Variants in HMCN1 observed in about 807,000 individuals in gnomAD.
The protein encoded by HMCN1 is hemicentin-1.
A neutral mutation model predicts 625.9 loss-of-function variants in HMCN1; 321 were observed. The ratio of observed to expected loss-of-function variants is 0.51; its 90% CI spans 0.47 to 0.56. The LOEUF is 0.56. HMCN1 is among the 20% of genes least tolerant of loss of function. The pLI is 0.00. For missense variants in HMCN1, 6,588 were observed against 6,887.3 expected (o/e 0.96, Z 1.54); for synonymous variants, 2,425 against 2,417.6 (o/e 1.00, Z -0.09).
chr1:186,147,061 G>C (rs558005228), intron 93 of HMCN1, among the ~76,000 whole-genome samples: 1 of 152,056 alleles, frequency 6.6e-6, no homozygotes, highest in Admixed American at 6.6e-5. Context: ...ATGGCCTACC[G>C]GGCCTTGACT....
intron 35 of HMCN1, 35 bp from the exon 36 acceptor site, chr1:186,022,995 T>G (rs777389521): frequency 1.2e-6 from 2 of 1,607,330 alleles, no homozygotes; most frequent in Non-Finnish European, 1.7e-6. Flanking sequence ...AAGTATAAGA[T>G]ACAAAAATCC....
Position 186,187,883 on chromosome 1 carries a change from A to T in HMCN1, c.16415A>T (p.Asp5472Val), listed in dbSNP as rs774106140. The T allele has an allele frequency of 9.9e-6, 16 of 1,613,534 alleles. No individual in the cohort carries two copies. Among genetic ancestry groups the T allele is most frequent in the Non-Finnish European group, 1.4e-5 (16 of 1,179,710 alleles). The part of the protein sequence containing the change: ...QLTHNGKTCQ[D>V]IDECLEQNVH... ...TGCATGTTCCCTGTGCTGTCCCTAG[A>T]TATCGATGAATGTCTGGAGCAGAAT... The change falls in exon 106 of 107, where the codon GAT (aspartate) becomes GTT (valine). Residue 5472 changes from aspartate to valine, a missense_variant and splice_region_variant. Coordinates refer to ENST00000271588, the MANE Select transcript of HMCN1 (RefSeq NM_031935.3).
Position 186,090,746 on chromosome 1 carries a change from A to AT in HMCN1, c.9728-9dup, listed in dbSNP as rs1400999981. The AT allele has an allele frequency of 8.1e-6, 13 of 1,611,902 alleles. No homozygotes were observed. Among genetic ancestry groups the AT allele is most frequent in the Non-Finnish European group, 1.1e-5 (13 of 1,178,576 alleles). On this transcript the variant is annotated splice_polypyrimidine_tract_variant and intron_variant, in intron 63 of 106. Coordinates refer to ENST00000271588, the MANE Select transcript of HMCN1 (RefSeq NM_031935.3). The stretch of plus-strand genomic sequence containing the variant: ...TGTCTTGTTAATGAAATTCCTAATT[A>AT]TTTCTCCAAAGTTCCTCCAAGTGTT...
rs375877012 is a variant in HMCN1, at chr1:185,993,193, T to A, written c.3389T>A (p.Leu1130His). 3.0e-5 allele frequency: 49 copies of A among 1,612,350 alleles called. No individual in the cohort carries two copies. Among genetic ancestry groups the A allele is most frequent in the Non-Finnish European group, 5.9e-6 (7 of 1,178,662 alleles). Residue 1130 changes from leucine (L) to histidine (H), a missense_variant, in exon 23 of 107, where the codon CTC becomes CAC. Physicochemically the swap from Leu to His is moderately conservative, Grantham distance 99 (BLOSUM62 -3). Coordinates refer to ENST00000271588, the MANE Select transcript of HMCN1 (RefSeq NM_031935.3). ...ISPFSPRHTFLPSGSMKITET... is the reference protein window; with the variant it reads ...ISPFSPRHTFHPSGSMKITET... ...TTTCTTTCTTTTAGACACACATTCC[T>A]CCCTTCTGGTTCAATGAAGATCACT... is the stretch of plus-strand genomic sequence containing the variant.
At chr1:185,762,092 G>A (rs1231109540) in intron 1 of HMCN1, among the ~76,000 whole-genome samples, 1 of 151,872 alleles carries the variant, frequency 6.6e-6, no homozygotes, top group Non-Finnish European at 1.5e-5. Context: ...TGCACTCGAG[G>A]AAAAAAAGAG....
chr1:185,783,787 G>C (rs1032836600), intron 1 of HMCN1, among the ~76,000 whole-genome samples: 10 of 152,200 alleles, frequency 6.6e-5, no homozygotes, highest in Admixed American at 6.5e-4. Context: ...GGCTACTCGG[G>C]GGTCAGGGAC....
At chr1:185,992,449 A>C (rs1451725040) in intron 22 of HMCN1, among the ~76,000 whole-genome samples, 1 of 152,106 alleles carries the variant, frequency 6.6e-6, no homozygotes, top group Non-Finnish European at 1.5e-5. Flanking sequence ...GTAGTGCTCT[A>C]ATTTTATATC....
chr1:185,933,275 C>T (rs921195350), intron 10 of HMCN1, among the ~76,000 whole-genome samples: 1 of 152,116 alleles, frequency 6.6e-6, no homozygotes, highest in Non-Finnish European at 1.5e-5. Context: ...TCAAGTTATA[C>T]TCTTTTGCCA....
intron 36 of HMCN1, among the ~76,000 whole-genome samples, chr1:186,031,718 G>T (rs931325339): frequency 2.0e-5 from 3 of 151,652 alleles, no homozygotes; most frequent in Non-Finnish European, 2.9e-5. Flanking sequence ...TCTAAAATTG[G>T]ATTATCAATT....
intron 102 of HMCN1, 74 bp downstream of exon 102, chr1:186,172,205 G>A: frequency 1.3e-6 from 2 of 1,568,702 alleles, no homozygotes; most frequent in South Asian, 1.1e-5. Flanking sequence ...CATTTTAAAA[G>A]AAGTGATTAG....
intron 1 of HMCN1, among the ~76,000 whole-genome samples, chr1:185,790,881 A>G (rs11803386): frequency 0.036 from 5,440 of 152,110 alleles, 343 homozygotes; most frequent in African/African-American, 0.12. Context: ...TTATTTATTT[A>G]TTTGTTTATT....
At chr1:186,115,583 T>TAGG (rs1661097237) in intron 75 of HMCN1, among the ~76,000 whole-genome samples, 169 bp downstream of exon 75, 1 of 152,206 alleles carries the variant, frequency 6.6e-6, no homozygotes, top group Non-Finnish European at 1.5e-5. Flanking sequence ...AAAATATTTT[T>TAGG]CTGAATTATA....
chr1:185,962,580 A>G lies in HMCN1; in HGVS notation c.1891A>G (p.Ile631Val), dbSNP rs1266843721. 3.7e-6 allele frequency: 6 copies of G among 1,606,606 alleles called. No homozygotes were observed. Among genetic ancestry groups the G allele is most frequent in the Non-Finnish European group, 5.1e-6 (6 of 1,173,262 alleles). The change falls in exon 12 of 107, where the codon ATC becomes GTC. Residue 631 changes from isoleucine (I) to valine (V), a missense_variant. Ile to Val is a conservative substitution (Grantham distance 29). This residue lies in a region of HMCN1 where 4,628 missense variants were observed against 4,853.1 expected (regional missense o/e 0.95). Coordinates refer to ENST00000271588, the MANE Select transcript of HMCN1 (RefSeq NM_031935.3). ...TTTCACAGGAGGGTCTGAGGTCTCC[A>G]TCATGTGTTCTGCAACAGGTTATCC... Reference protein sequence around the residue: ...QSFTGGSEVSIMCSATGYPKP... With the variant: ...QSFTGGSEVSVMCSATGYPKP...
chr1:186,093,119 T>C lies in HMCN1; in HGVS notation c.9888-15T>C. The C allele has an allele frequency of 6.2e-7, 1 of 1,613,024 alleles. No homozygotes were observed. The highest frequency in any genetic ancestry group is 2.2e-5 in the East Asian group (1 of 44,846). ...CAATCTCATCTCAGCCCCTCTGTTA[T>C]GATCTTTTCCGTAGAGTGAGTGCAA... On this transcript the variant is annotated splice_polypyrimidine_tract_variant and intron_variant, in intron 64 of 106. Transcript: ENST00000271588.
chr1:185,919,074 CA>C (rs1666870789), intron 6 of HMCN1, among the ~76,000 whole-genome samples: 1 of 146,072 alleles, frequency 6.8e-6, no homozygotes, highest in African/African-American at 2.6e-5. Flanking sequence ...AATTTTAGGA[CA>C]TATATATATA....
At position 186,053,982 on chromosome 1, in the gene HMCN1, T is replaced by C; in HGVS notation, c.6858T>C (p.Val2286=). ...GTAKKEYNLQ[V]YIRPTITNSG... ...CAAAGAAAGAATACAATCTGCAAGT[T>C]TACAGTAAGTTGTTGATTAGCCAGG... Residue 2286 remains valine (V), a synonymous_variant, in exon 44 of 107, where the codon GTT becomes GTC. Coordinates refer to ENST00000271588, the MANE Select transcript of HMCN1 (RefSeq NM_031935.3). The C allele has an allele frequency of 6.2e-7, 1 of 1,612,184 alleles. No individual in the cohort carries two copies. Among genetic ancestry groups the C allele is most frequent in the Non-Finnish European group, 8.5e-7 (1 of 1,178,982 alleles).
chr1:185,823,594 G>A (rs1660330942), intron 1 of HMCN1, among the ~76,000 whole-genome samples: 1 of 152,120 alleles, frequency 6.6e-6, no homozygotes, highest in African/African-American at 2.4e-5. Flanking sequence ...AGCTTCCCAA[G>A]TGGCCATCTC....
chr1:186,112,385 T>C (rs1285148723), intron 71 of HMCN1, among the ~76,000 whole-genome samples: 1 of 152,250 alleles, frequency 6.6e-6, no homozygotes, highest in East Asian at 1.9e-4. Flanking sequence ...CTGTCCTTTA[T>C]CTGAATGAAC....
At chr1:186,187,740 AAAG>A (rs1210602144) in intron 105 of HMCN1, 140 bp from the exon 106 acceptor site, 18 of 1,075,870 alleles carry the variant, frequency 1.7e-5, no homozygotes, top group African/African-American at 1.2e-4. Context: ...TTTTGTGGTT[AAAG>A]AAGGTTAGGT....
Sources: gnomAD v4.1 joint callset for allele counts (sites outside exome capture counted in the v4.1 genomes callset) on GRCh38, gnomAD v4.1.1 for gene constraint, gnomAD v4.1.1 regional missense constraint, MANE v1.5 for transcripts, NCBI Gene and HGNC (gene_info 2026-07-23, HGNC 2026-07-21) for gene names.